TULP4: variants seen among roughly 807,000 people sequenced by gnomAD.
The protein encoded by TULP4 is TUB like protein 4.
In TULP4, 16 loss-of-function variants were observed where a neutral mutation model predicts 129.0. The ratio of observed to expected loss-of-function variants is 0.12; its 90% CI spans 0.08 to 0.19. The LOEUF (loss-of-function observed/expected upper bound fraction) is 0.19. Among genes scored for constraint, TULP4 ranks in the 10% least tolerant of loss-of-function variants. TULP4 has a pLI of 1.00. For synonymous variants in TULP4, 998 were observed against 854.0 expected (o/e 1.17, Z -2.94); for missense variants, 1,842 against 2,059.1 (o/e 0.89, Z 2.04).
At position 158,504,163 on chromosome 6, in the gene TULP4, G is replaced by A; in HGVS notation, c.4500G>A (p.Glu1500=). The part of the protein sequence containing the change: ...TQESAKNFQI[E]LEGRQVMQFG... ...AGTCCGCCAAGAACTTCCAGATTGA[G>A]TTAGAGGGGCGGCAGGTAAGACCTC... is the stretch of plus-strand genomic sequence containing the variant. The change falls in exon 13 of 14, where the codon GAG becomes GAA. Residue 1500 remains glutamate, a synonymous_variant. Coordinates refer to ENST00000367097, the MANE Select transcript of TULP4 (RefSeq NM_020245.5). The A allele has an allele frequency of 6.3e-7, 1 of 1,593,308 alleles. No homozygotes were observed. The highest frequency in any genetic ancestry group is 1.3e-5 in the African/African-American group (1 of 74,804).
chr6:158,502,582 G>T lies in TULP4; in HGVS notation c.2919G>T (p.Gly973=), dbSNP rs1310958895. ...EIASQLAQGR[G]AAQRSDNSLI... is the part of the protein sequence containing the mutation. Reference sequence around the variant, plus strand: ...CCAGCCAGCTGGCCCAGGGGCGGGGGGCTGCCCAGAGGTCCGACAATAGCC... The same window carrying T: ...CCAGCCAGCTGGCCCAGGGGCGGGGTGCTGCCCAGAGGTCCGACAATAGCC... The change falls in exon 13 of 14, where the codon GGG becomes GGT. Residue 973 remains glycine, a synonymous_variant. Coordinates refer to ENST00000367097, the MANE Select transcript of TULP4 (RefSeq NM_020245.5). The T allele has an allele frequency of 4.4e-6, 7 of 1,603,276 alleles. No homozygotes were observed. The Admixed American group carries it at 8.3e-5, about 19-fold the overall frequency.
chr6:158,425,311 C>T (rs1266947675), intron 2 of TULP4, among the ~76,000 whole-genome samples: 1 of 151,558 alleles, frequency 6.6e-6, no homozygotes, highest in Non-Finnish European at 1.5e-5. Flanking sequence ...GTCGGGAGTT[C>T]GAGATCAGCC....
intron 1 of TULP4, among the ~76,000 whole-genome samples, chr6:158,288,973 T>A (rs1449933953): frequency 6.6e-6 from 1 of 152,204 alleles, no homozygotes; most frequent in Non-Finnish European, 1.5e-5. Context: ...ACTTTTTAAA[T>A]ATTCTGATTG....
chr6:158,269,925 G>C (rs1778516641), intron 1 of TULP4, among the ~76,000 whole-genome samples: 1 of 152,176 alleles, frequency 6.6e-6, no homozygotes, highest in South Asian at 2.1e-4. Context: ...TCTTCACAGG[G>C]TTGCTCCCTT....
At chr6:158,444,660 A>G (rs749840385) in intron 3 of TULP4, among the ~76,000 whole-genome samples, 5 of 152,232 alleles carry the variant, frequency 3.3e-5, no homozygotes, top group Non-Finnish European at 7.3e-5. Context: ...GAATGATTTT[A>G]TATCCTGTCT....
In TULP4 at chr6:158,493,421, G is replaced by A. The variant is rs1780259583; in HGVS notation, c.1632-152G>A. On this transcript the variant is annotated intron_variant, in intron 9 of 13. Coordinates refer to ENST00000367097, the MANE Select transcript of TULP4 (RefSeq NM_020245.5). This position sits in a 1 kb window ranked among gnomAD's most constrained non-coding sequence, Gnocchi z 4.4. ...CCTCATATTCATAAAGCAAAAGCAA[G>A]GGGAGAGCTTTGTTAAATTCGGGCA... 1 of 666,436 alleles carries A rather than the reference G, an allele frequency of 1.5e-6. No homozygotes were observed. Among genetic ancestry groups the A allele is most frequent in the Non-Finnish European group, 2.3e-6 (1 of 440,950 alleles). 41.3% of individuals were successfully genotyped at this position (666,436 alleles called of 1,614,324 possible).
At chr6:158,315,723 A>G (rs373615510) in intron 1 of TULP4, among the ~76,000 whole-genome samples, 1 of 152,240 alleles carries the variant, frequency 6.6e-6, no homozygotes, top group East Asian at 1.9e-4. Flanking sequence ...TGGGAAGTCC[A>G]AGATCAAGAT....
intron 1 of TULP4, among the ~76,000 whole-genome samples, chr6:158,356,610 G>A (rs763943893): frequency 1.3e-5 from 2 of 152,156 alleles, no homozygotes; most frequent in Non-Finnish European, 2.9e-5. Context: ...GGCTTAGGTG[G>A]TTGGGGCATC....
At chr6:158,273,345 T>C (rs1778582717) in intron 1 of TULP4, among the ~76,000 whole-genome samples, 1 of 147,820 alleles carries the variant, frequency 6.8e-6, no homozygotes, top group South Asian at 2.2e-4. Flanking sequence ...CTACCTTTAT[T>C]TACCTGACGT....
chr6:158,240,753 C>G (rs1396686793), intron 1 of TULP4, among the ~76,000 whole-genome samples: 5 of 136,618 alleles, frequency 3.7e-5, no homozygotes, highest in Non-Finnish European at 8.2e-5. Context: ...GGGGCTGACC[C>G]CCCCACCTCC....
At chr6:158,303,429 A>G (rs1052639208) in intron 1 of TULP4, among the ~76,000 whole-genome samples, 1 of 152,186 alleles carries the variant, frequency 6.6e-6, no homozygotes, top group Non-Finnish European at 1.5e-5. Flanking sequence ...GAGGGGTTGT[A>G]AGAACAGGGA....
At chr6:158,368,224 G>C (rs978747212) in intron 1 of TULP4, among the ~76,000 whole-genome samples, 2 of 152,124 alleles carry the variant, frequency 1.3e-5, no homozygotes, top group Admixed American at 6.5e-5. Context: ...CTAAAAGTAT[G>C]ATTTGAATTT....
chr6:158,311,856 G>A (rs1257930748), upstream of TULP4, among the ~76,000 whole-genome samples: 1 of 152,158 alleles, frequency 6.6e-6, no homozygotes, highest in African/African-American at 2.4e-5. Flanking sequence ...ACTCTCATTT[G>A]TTGTGTGTTG....
intron 1 of TULP4, among the ~76,000 whole-genome samples, chr6:158,401,330 T>C (rs1180323789): frequency 6.6e-6 from 1 of 152,130 alleles, no homozygotes; most frequent in African/African-American, 2.4e-5. Flanking sequence ...AGCCTCGGCC[T>C]CCCAAAGTGG....
At chr6:158,235,398 C>G (rs1777672181) in intron 1 of TULP4, among the ~76,000 whole-genome samples, 1 of 152,162 alleles carries the variant, frequency 6.6e-6, no homozygotes, top group Non-Finnish European at 1.5e-5. Flanking sequence ...CTCTAGGTAC[C>G]TCATGTAAGT....
intron 1 of TULP4, among the ~76,000 whole-genome samples, chr6:158,239,682 A>T (rs1372265605): frequency 3.4e-5 from 2 of 58,654 alleles, no homozygotes; most frequent in Non-Finnish European, 7.4e-5. Context: ...CTGGCCGGGC[A>T]GAGGGGCTCC....
At chr6:158,273,456 T>C (rs913350794) in intron 1 of TULP4, among the ~76,000 whole-genome samples, 1 of 152,224 alleles carries the variant, frequency 6.6e-6, no homozygotes, top group Non-Finnish European at 1.5e-5. Context: ...CTGACCTTTA[T>C]GTCGATGACA....
At chr6:158,433,802 A>C (rs1268203032) in intron 3 of TULP4, among the ~76,000 whole-genome samples, 1 of 152,250 alleles carries the variant, frequency 6.6e-6, no homozygotes, top group African/African-American at 2.4e-5. Context: ...GCTAAAATTC[A>C]TCTTCCATTA....
At chr6:158,344,399 G>A (rs1172763345) in intron 1 of TULP4, among the ~76,000 whole-genome samples, 1 of 152,194 alleles carries the variant, frequency 6.6e-6, no homozygotes, top group Admixed American at 6.5e-5. Flanking sequence ...TGCAGATAGT[G>A]TGTTTTTTAC....
Sources: gnomAD v4.1 joint callset for allele counts (sites outside exome capture counted in the v4.1 genomes callset) on GRCh38, gnomAD v4.1.1 for gene constraint, Gnocchi (gnomAD v3.1) non-coding constraint, MANE v1.5 for transcripts, NCBI Gene and HGNC (gene_info 2026-07-23, HGNC 2026-07-21) for gene names.